Variants in CFAP57 observed in about 807,000 individuals in gnomAD.
CFAP57 encodes cilia and flagella associated protein 57.
In CFAP57, 116 loss-of-function variants were observed where a neutral mutation model predicts 146.8. The ratio of observed to expected loss-of-function variants is 0.79; its 90% CI spans 0.68 to 0.92. The LOEUF (loss-of-function observed/expected upper bound fraction) is 0.92, where lower values mean the gene tolerates loss of function less well. Ranked by LOEUF, CFAP57 falls within the 40% of genes least tolerant of loss-of-function variation. CFAP57 has a pLI of 0.00. For missense variants in CFAP57, 1,377 were observed against 1,527.2 expected (o/e 0.90, Z 1.64); for synonymous variants, 518 against 552.8 (o/e 0.94, Z 0.88).
At chr1:43,196,157 C>G (rs994055606) in intron 6 of CFAP57, among the ~76,000 whole-genome samples, 1 of 152,196 alleles carries the variant, frequency 6.6e-6, no homozygotes, top group Non-Finnish European at 1.5e-5. Flanking sequence ...GGTTTGTGGT[C>G]ATGCATTTGC....
intron 2 of CFAP57, among the ~76,000 whole-genome samples, chr1:43,179,035 A>T (rs1645280423): frequency 6.6e-6 from 1 of 152,142 alleles, no homozygotes; most frequent in African/African-American, 2.4e-5. Context: ...TGTCGCAAGG[A>T]CAAAAAACCA....
intron 6 of CFAP57, 81 bp downstream of exon 6, chr1:43,186,940 A>C: frequency 1.3e-6 from 2 of 1,551,458 alleles, no homozygotes; most frequent in South Asian, 2.3e-5. Flanking sequence ...GGCAAATTTT[A>C]ATCCAAATAA....
intron 22 of CFAP57, among the ~76,000 whole-genome samples, chr1:43,248,151 A>C (rs1462456249): frequency 6.6e-6 from 1 of 151,132 alleles, no homozygotes; most frequent in Non-Finnish European, 1.5e-5. Flanking sequence ...AAAAAAAAAA[A>C]AAAAAAAAAC....
chr1:43,225,034 G>A (rs950589926), intron 17 of CFAP57, among the ~76,000 whole-genome samples: 5 of 151,952 alleles, frequency 3.3e-5, no homozygotes, highest in African/African-American at 1.2e-4. Flanking sequence ...TGTGAGTGTC[G>A]GTGTACATAT....
chr1:43,172,595 GGAAAGGGGAGGGACAAGGGGAGGA>G (rs1645013530), intron 1 of CFAP57, 116 bp from the exon 2 acceptor site: 5 of 646,788 alleles, frequency 7.7e-6, no homozygotes, highest in African/African-American at 2.0e-5. Flanking sequence ...CAAGGGGAGG[GGAAAGGGGAGGGACAAGGGGAGGA>G]GAAAGGGGAG....
Position 43,222,187 on chromosome 1 carries a change from G to C in CFAP57, c.2424G>C (p.Glu808Asp). 1 of 1,545,244 alleles carries C rather than the reference G, an allele frequency of 6.5e-7. No individual in the cohort carries two copies. The highest frequency in any genetic ancestry group is 8.7e-7 in the Non-Finnish European group (1 of 1,143,990). Residue 808 changes from glutamate to aspartate, a missense_variant, in exon 15 of 23, where the codon GAG (glutamate) becomes GAC (aspartate). Glu to Asp is a conservative substitution (Grantham distance 45, BLOSUM62 2). Transcript: ENST00000372492. ...TCAAGTCCCAGAGGATGCAGGAAGA[G>C]TATGAAAAACAGCTCCGGGATAACG... The part of the protein sequence containing the change: ...LQLKSQRMQE[E>D]YEKQLRDNDE...
intron 9 of CFAP57, among the ~76,000 whole-genome samples, chr1:43,205,283 A>G (rs1056446420): frequency 6.6e-6 from 1 of 152,188 alleles, no homozygotes; most frequent in Non-Finnish European, 1.5e-5. Flanking sequence ...CAATGCCCAT[A>G]GGCATGGACT....
At chr1:43,189,613 A>AT (rs1220905998) in intron 6 of CFAP57, among the ~76,000 whole-genome samples, 1 of 152,142 alleles carries the variant, frequency 6.6e-6, no homozygotes, top group Non-Finnish European at 1.5e-5. Flanking sequence ...TGCCAAACTC[A>AT]TTTATTAGTT....
At chr1:43,210,776 T>G (rs1039543147) in intron 11 of CFAP57, 4 of 152,350 alleles carry the variant, frequency 2.6e-5, no homozygotes, top group African/African-American at 9.7e-5. Flanking sequence ...CAAATGTATT[T>G]AATAACATGA....
In CFAP57 at chr1:43,226,987, A is replaced by G; in HGVS notation, c.2870A>G (p.Lys957Arg). ...ERDETIQDKEKRIYDLKKKNQ... is the reference protein window; with the variant it reads ...ERDETIQDKERRIYDLKKKNQ... Reference sequence around the variant, plus strand: ...TCTCTCTCATCTCACCCCCAGGAGAAGCGAATTTATGATCTGAAAAAGAAA... The same window carrying G: ...TCTCTCTCATCTCACCCCCAGGAGAGGCGAATTTATGATCTGAAAAAGAAA... The change falls in exon 18 of 23, where the codon AAG (lysine) becomes AGG (arginine). Residue 957 changes from lysine (K) to arginine (R), a missense_variant. Coordinates refer to ENST00000372492, the MANE Select transcript of CFAP57 (RefSeq NM_001378189.1). 13 of 1,512,206 alleles carry G rather than the reference A, an allele frequency of 8.6e-6. No individual in the cohort carries two copies. The highest frequency in any genetic ancestry group is 1.3e-5 in the South Asian group (1 of 75,982). 93.7% of individuals were successfully genotyped at this position (1,512,206 alleles called of 1,614,324 possible).
At chr1:43,187,937 A>C (rs554707459) in intron 6 of CFAP57, among the ~76,000 whole-genome samples, 7 of 152,146 alleles carry the variant, frequency 4.6e-5, no homozygotes, top group Non-Finnish European at 8.8e-5. Flanking sequence ...CCAAGTAGTT[A>C]GGACTACAGG....
chr1:43,223,979 GAC>G, intron 16 of CFAP57, 65 bp from the exon 17 acceptor site: 1 of 1,526,958 alleles, frequency 6.5e-7, no homozygotes, highest in Non-Finnish European at 8.8e-7. Flanking sequence ...CTTACACTGA[GAC>G]AGTGGGAGGG....
At chr1:43,179,166 G>A (rs1470869018) in intron 2 of CFAP57, among the ~76,000 whole-genome samples, 1 of 152,094 alleles carries the variant, frequency 6.6e-6, no homozygotes, top group Non-Finnish European at 1.5e-5. Context: ...GATAGCATTA[G>A]GAGATATACC....
In CFAP57 at chr1:43,206,735, T is replaced by TGGAATGCAGATGATA. The variant is rs1285026527; in HGVS notation, c.1560_1574dup (p.Asp524_Ser525insArgAsnAlaAspAsp). 1 of 1,613,986 alleles carries TGGAATGCAGATGATA rather than the reference T, an allele frequency of 6.2e-7. No individual in the cohort carries two copies. The highest frequency in any genetic ancestry group is 8.5e-7 in the Non-Finnish European group (1 of 1,180,006). ...TCTCCTGCAGATTCGCTCAATTGTGTGGAATGCAGATGATAGCAAACTGAT... is the reference window on the plus strand; with the variant it reads ...TCTCCTGCAGATTCGCTCAATTGTGTGGAATGCAGATGATAGGAATGCAGATGATAGCAAACTGAT... On this transcript the variant is annotated inframe_insertion, in exon 10 of 23. Transcript: ENST00000372492.
At chr1:43,220,972 G>A (rs1465672076) in intron 13 of CFAP57, among the ~76,000 whole-genome samples, 1 of 152,164 alleles carries the variant, frequency 6.6e-6, no homozygotes, top group African/African-American at 2.4e-5. Flanking sequence ...AAGCCTGAAA[G>A]CTTTCCTGCT....
At chr1:43,190,107 T>C (rs1180738562) in intron 6 of CFAP57, among the ~76,000 whole-genome samples, 3 of 152,138 alleles carry the variant, frequency 2.0e-5, no homozygotes, top group Admixed American at 1.3e-4. Flanking sequence ...ACATCTGCAA[T>C]AGAGGTAGTT....
intron 9 of CFAP57, among the ~76,000 whole-genome samples, chr1:43,203,898 A>AT (rs1644242083): frequency 6.6e-6 from 1 of 152,020 alleles, no homozygotes; most frequent in Non-Finnish European, 1.5e-5. Flanking sequence ...CAAATTTGAG[A>AT]TTTTTCAGCA....
rs115962574 is a variant in CFAP57, at chr1:43,190,625, C to T, written c.1122+3766C>T. On this transcript the variant is annotated intron_variant, in intron 6 of 22. Transcript: ENST00000372492. ...CTGTCTGTAGGTTTTTTTGAAGATA[C>T]TGTTTATCAGGCTGAAAAAGTTCCC... is the stretch of plus-strand genomic sequence containing the variant. Among the ~76,000 whole-genome samples, 1,492 of 152,082 alleles carry T rather than the reference C, an allele frequency of 9.8e-3. 12 individuals are homozygous for T. The highest frequency in any genetic ancestry group is 0.024 in the Admixed American group (366 of 15,286).
In CFAP57 at chr1:43,187,778, G is replaced by T. The variant is rs185741829; in HGVS notation, c.1122+919G>T. 2.6e-4 allele frequency among the ~76,000 whole-genome samples: 39 copies of T among 152,128 alleles called. No homozygotes were observed. The East Asian group carries it at 5.8e-3, about 23-fold the overall frequency. ...AATCATAAAACGTGTGGACTTTTATGACTGGCTTCTTTGACTTAGCATAAT... is the reference window on the plus strand; with the variant it reads ...AATCATAAAACGTGTGGACTTTTATTACTGGCTTCTTTGACTTAGCATAAT... On this transcript the variant is annotated intron_variant, in intron 6 of 22. Transcript: ENST00000372492.
Sources: allele counts gnomAD v4.1 joint callset (sites outside exome capture counted in the v4.1 genomes callset), GRCh38; gene constraint gnomAD v4.1.1; transcripts MANE v1.5; gene names NCBI Gene and HGNC (gene_info 2026-07-23, HGNC 2026-07-21).